The following ABTB2 variants were observed in gnomAD, a reference collection of about 807,000 sequenced individuals.
The protein encoded by ABTB2 is ankyrin repeat and BTB/POZ domain-containing protein 2.
In ABTB2, 56 loss-of-function variants were observed where a neutral mutation model predicts 104.1. The observed-to-expected ratio is 0.54, with a 90% confidence interval of 0.43 to 0.67. The LOEUF (loss-of-function observed/expected upper bound fraction) is 0.67, where lower values mean the gene tolerates loss of function less well. ABTB2 is among the 30% of genes least tolerant of loss of function. The pLI is 0.00. For missense variants in ABTB2, 1,279 were observed against 1,407.7 expected, an observed-to-expected ratio of 0.91 and a Z score of 1.46; for synonymous variants, 606 against 608.2, an observed-to-expected ratio of 1.00 and a Z score of 0.05.
chr11:34,203,697 G>A (rs1406460429), intron 2 of ABTB2, among the ~76,000 whole-genome samples: 1 of 152,206 alleles, frequency 6.6e-6, no homozygotes, highest in Non-Finnish European at 1.5e-5. Flanking sequence ...GCAGAAGAAT[G>A]CAGGGAAGGA....
At chr11:34,351,967 G>A (rs1326565641) in intron 1 of ABTB2, among the ~76,000 whole-genome samples, 2 of 152,134 alleles carry the variant, frequency 1.3e-5, no homozygotes, top group Non-Finnish European at 2.9e-5. Context: ...AGCTTGCTCT[G>A]TTTCAGTTTT....
rs545251184 is a variant in ABTB2, at chr11:34,320,667, A to C, written c.883+36034T>G. Among the ~76,000 whole-genome samples the C allele has an allele frequency of 1.6e-4, 24 of 152,304 alleles. No homozygotes were observed. In the South Asian group the frequency reaches 5.0e-3, roughly 32 times the overall value. On this transcript the variant is annotated intron_variant, in intron 1 of 16. Coordinates refer to ENST00000435224, the MANE Select transcript of ABTB2 (RefSeq NM_145804.3). ...AAGGACTTACCCCACAGGCAGGCAT[A>C]TGGGTGTCGTGTGTCCACATTAGAC...
chr11:34,293,227 G>A (rs1053209754), intron 1 of ABTB2, among the ~76,000 whole-genome samples: 4 of 152,128 alleles, frequency 2.6e-5, no homozygotes, highest in African/African-American at 9.7e-5. Flanking sequence ...ATGTCGAGGG[G>A]GGGCCCAGGG....
intron 1 of ABTB2, among the ~76,000 whole-genome samples, chr11:34,237,193 A>ACAC (rs1316745287): frequency 1.3e-5 from 2 of 152,040 alleles, no homozygotes; most frequent in Non-Finnish European, 2.9e-5. Flanking sequence ...TGCAATAGAT[A>ACAC]CACAGTAAAC....
At chr11:34,153,791 C>T (rs1852582221) in intron 16 of ABTB2, among the ~76,000 whole-genome samples, 2 of 152,132 alleles carry the variant, frequency 1.3e-5, no homozygotes, top group Non-Finnish European at 2.9e-5. Context: ...AGTGGAGAAA[C>T]CGCTGGTGTG....
chr11:34,340,930 T>G lies in ABTB2; in HGVS notation c.883+15771A>C, dbSNP rs149346213. Reference sequence around the variant, plus strand: ...ACAAGCTCAGTAGGAAAGATGAGCCTTAGAGGAAAAAGCAGAACCCAAGCC... The same window carrying G: ...ACAAGCTCAGTAGGAAAGATGAGCCGTAGAGGAAAAAGCAGAACCCAAGCC... On this transcript the variant is annotated intron_variant, in intron 1 of 16. Transcript: ENST00000435224. Among the ~76,000 whole-genome samples, 4 of 152,190 alleles carry G rather than the reference T, an allele frequency of 2.6e-5. No homozygotes were observed. The East Asian group carries it at 7.7e-4, about 29-fold the overall frequency.
At chr11:34,195,852 C>T (rs1047222270) in intron 3 of ABTB2, among the ~76,000 whole-genome samples, 1 of 152,190 alleles carries the variant, frequency 6.6e-6, no homozygotes, top group Non-Finnish European at 1.5e-5. Flanking sequence ...GGCTGTGGAG[C>T]CAGCTGTGGA....
At chr11:34,195,884 A>G (rs915288886) in intron 3 of ABTB2, among the ~76,000 whole-genome samples, 4 of 152,200 alleles carry the variant, frequency 2.6e-5, no homozygotes, top group Non-Finnish European at 5.9e-5. Flanking sequence ...ATGAGACTCA[A>G]TGCCCCCCAA....
At position 34,357,217 on chromosome 11, in the gene ABTB2, C is replaced by A; in HGVS notation, c.367G>T (p.Glu123Ter). Residue 123 changes from glutamate to a stop codon, truncating the protein, a stop_gained, in exon 1 of 17, where the codon GAG becomes TAG. Transcript: ENST00000435224. LOFTEE classifies it high-confidence loss of function. ...AGCCCGGCCAGGCGCCTCACCGCCT[C>A]GGCGGAGAACTGGGGCAGCCGCCGG... ...GGRRLPQFSA[E>*]AVRRLAGLLR... 1 of 1,509,614 alleles carries A rather than the reference C, an allele frequency of 6.6e-7. No homozygotes were observed. The highest frequency in any genetic ancestry group is 8.8e-7 in the Non-Finnish European group (1 of 1,136,226). 93.5% of individuals were successfully genotyped at this position (1,509,614 alleles called of 1,614,324 possible). A position where few individuals can be genotyped will look rare whatever the true frequency, so the allele number is the denominator to read the frequency against.
rs1853333565 is a variant in ABTB2, at chr11:34,201,299, G to A, written c.1030+3245C>T. Among the ~76,000 whole-genome samples, 3 of 152,190 alleles carry A rather than the reference G, an allele frequency of 2.0e-5. No individual in the cohort carries two copies. In the South Asian group the frequency reaches 6.2e-4, roughly 32 times the overall value. ...GTTAACCATGAAAGACTTGATTAGA[G>A]GTGCTAGGTTTCACTCTGGTCCTTC... On this transcript the variant is annotated intron_variant, in intron 2 of 16. Transcript: ENST00000435224.
intron 1 of ABTB2, among the ~76,000 whole-genome samples, chr11:34,272,728 A>AAAAAAAAC (rs1565156120): frequency 7.5e-6 from 1 of 133,180 alleles, no homozygotes; most frequent in Admixed American, 8.8e-5. Context: ...AAAAAAAAAA[A>AAAAAAAAC]AAACCAACCA....
At chr11:34,181,442 GC>G (rs1034386441) in intron 3 of ABTB2, among the ~76,000 whole-genome samples, 1 of 152,152 alleles carries the variant, frequency 6.6e-6, no homozygotes, top group African/African-American at 2.4e-5. Flanking sequence ...TGGGGCACAG[GC>G]CTGTAACCAG....
At chr11:34,321,518 C>A (rs1855001550) in intron 1 of ABTB2, among the ~76,000 whole-genome samples, 1 of 152,148 alleles carries the variant, frequency 6.6e-6, no homozygotes, top group Non-Finnish European at 1.5e-5. Flanking sequence ...TGGGATGCAC[C>A]CGGATGCAAA....
chr11:34,219,991 A>T (rs971453343), intron 1 of ABTB2, among the ~76,000 whole-genome samples: 1 of 152,218 alleles, frequency 6.6e-6, no homozygotes, highest in African/African-American at 2.4e-5. Context: ...CTCCAAAGGG[A>T]TTTTACAGAC....
intron 11 of ABTB2, among the ~76,000 whole-genome samples, 160 bp downstream of exon 11, chr11:34,160,743 T>TG (rs1487851577): frequency 0.01 from 151 of 14,644 alleles, 3 homozygotes; most frequent in East Asian, 0.047. Context: ...GTGTGTTGGG[T>TG]GGGGGGGTCC....
chr11:34,249,098 T>C (rs10836167), intron 1 of ABTB2, among the ~76,000 whole-genome samples: 70,861 of 152,078 alleles, frequency 0.47, 17,281 homozygotes, highest in South Asian at 0.58. Flanking sequence ...CATTGCACTC[T>C]AGCCTGGGCA....
chr11:34,190,234 C>T (rs565087710), intron 3 of ABTB2, among the ~76,000 whole-genome samples: 133 of 149,814 alleles, frequency 8.9e-4, no homozygotes, highest in African/African-American at 3.1e-3. Context: ...AGTGTGACTC[C>T]ATCCAGCCCC....
chr11:34,321,503 A>G (rs1045545351), intron 1 of ABTB2, among the ~76,000 whole-genome samples: 21 of 152,272 alleles, frequency 1.4e-4, no homozygotes, highest in African/African-American at 5.1e-4. Flanking sequence ...CCTGTGATGT[A>G]TCATTGGGAT....
At chr11:34,230,542 T>G (rs1464408991) in intron 1 of ABTB2, among the ~76,000 whole-genome samples, 5 of 152,242 alleles carry the variant, frequency 3.3e-5, no homozygotes, top group Non-Finnish European at 1.5e-5. Flanking sequence ...CGGGGAAGGC[T>G]CTGGTAAGTT....
Sources: allele counts gnomAD v4.1 joint callset (sites outside exome capture counted in the v4.1 genomes callset), GRCh38; gene constraint gnomAD v4.1.1; transcripts MANE v1.5; gene names NCBI Gene and HGNC (gene_info 2026-07-23, HGNC 2026-07-21).